The following SIL1 variants were observed in gnomAD, a reference collection of about 807,000 sequenced individuals.
SIL1 encodes the protein SIL1 nucleotide exchange factor.
In SIL1, 40 loss-of-function variants were observed where a neutral mutation model predicts 49.1. The observed-to-expected ratio is 0.81, with a 90% CI of 0.63 to 1.06. The LOEUF (loss-of-function observed/expected upper bound fraction) is 1.06. SIL1 is among the 50% of genes least tolerant of loss of function. SIL1 has a pLI of 0.00. For missense variants in SIL1, 500 were observed against 572.6 expected (o/e 0.87, Z 1.29); for synonymous variants, 253 against 250.8 (o/e 1.01, Z -0.08).
At chr5:139,040,734 G>T (rs1321988533) in intron 5 of SIL1, among the ~76,000 whole-genome samples, 1 of 151,854 alleles carries the variant, frequency 6.6e-6, no homozygotes, top group Non-Finnish European at 1.5e-5. Flanking sequence ...CCTGACCTCA[G>T]ATGATCCACC....
At chr5:139,074,162 T>A (rs1769893587) in intron 3 of SIL1, among the ~76,000 whole-genome samples, 1 of 152,146 alleles carries the variant, frequency 6.6e-6, no homozygotes, top group African/African-American at 2.4e-5. Flanking sequence ...ACTCAAGAGA[T>A]CCTCGCACCC....
chr5:139,099,979 C>A (rs960640817), intron 3 of SIL1, among the ~76,000 whole-genome samples: 3 of 152,058 alleles, frequency 2.0e-5, no homozygotes, highest in Non-Finnish European at 4.4e-5. Flanking sequence ...GGGAAGGATA[C>A]CCCATTCTCC....
Position 139,055,068 on chromosome 5 carries a change from G to A in SIL1, c.245-4022C>T, listed in dbSNP as rs533359092. Among the ~76,000 whole-genome samples the A allele has an allele frequency of 1.1e-4, 16 of 152,296 alleles. No homozygotes were observed. In the East Asian group the frequency reaches 3.1e-3, roughly 29 times the overall value. The stretch of plus-strand genomic sequence containing the variant: ...ATACATACAGGTAACAAGTTAGGGG[G>A]ATGGAGAGCAAGGGTACAGGCAGAA... On this transcript the variant is annotated intron_variant, in intron 3 of 9. Coordinates refer to ENST00000394817, the MANE Select transcript of SIL1 (RefSeq NM_022464.5).
intron 3 of SIL1, among the ~76,000 whole-genome samples, chr5:139,055,274 C>CTGT (rs1454036931): frequency 2.0e-5 from 3 of 152,084 alleles, no homozygotes; most frequent in African/African-American, 7.2e-5. Flanking sequence ...ATTTTGACTC[C>CTGT]CACTGACACT....
rs554786257 is a variant in SIL1 at position 139,031,842 on chromosome 5, A to T, written c.454-4850T>A. ...ATAGATCTTATATCTGTCTTGTTAGATTTATTCCTAAATATTTCATTTTTA... is the reference window on the plus strand; with the variant it reads ...ATAGATCTTATATCTGTCTTGTTAGTTTTATTCCTAAATATTTCATTTTTA... On this transcript the variant is annotated intron_variant, in intron 5 of 9. Transcript: ENST00000394817. Among the ~76,000 whole-genome samples, 3 of 152,240 alleles carry T rather than the reference A, an allele frequency of 2.0e-5. No individual in the cohort carries two copies. In the East Asian group the frequency reaches 5.8e-4, roughly 29 times the overall value.
At chr5:139,180,466 G>C (rs922632194) in intron 1 of SIL1, among the ~76,000 whole-genome samples, 1 of 151,108 alleles carries the variant, frequency 6.6e-6, no homozygotes, top group African/African-American at 2.4e-5. Flanking sequence ...GCCTTTGTGG[G>C]TCATCTATTA....
intron 7 of SIL1, among the ~76,000 whole-genome samples, chr5:138,983,649 C>A (rs1767582791): frequency 6.6e-6 from 1 of 152,046 alleles, no homozygotes; most frequent in Admixed American, 6.5e-5. Flanking sequence ...AGATTCCCGT[C>A]CAACCACCCA....
At chr5:139,002,210 C>CA (rs762969876) in intron 7 of SIL1, among the ~76,000 whole-genome samples, 2,749 of 121,918 alleles carry the variant, frequency 0.023, 40 homozygotes, top group Non-Finnish European at 0.031. Flanking sequence ...GAACCTGTCT[C>CA]AAAAAAAAAA....
At chr5:139,080,389 T>G (rs2151770046) in intron 3 of SIL1, among the ~76,000 whole-genome samples, 1 of 152,342 alleles carries the variant, frequency 6.6e-6, no homozygotes, top group African/African-American at 2.4e-5. Context: ...TTAATCTGAC[T>G]ACTGTTCAGT....
intron 1 of SIL1, among the ~76,000 whole-genome samples, chr5:139,195,382 TTTTTGTTTTG>T (rs200533231): frequency 5.9e-5 from 9 of 152,144 alleles, no homozygotes; most frequent in Admixed American, 5.2e-4. Flanking sequence ...TTCCCAGTTT[TTTTTGTTTTG>T]TTTTGTTTTG....
chr5:139,157,736 G>A lies in SIL1; in HGVS notation c.-10-29883C>T, dbSNP rs963911838. On this transcript the variant is annotated intron_variant, in intron 1 of 9. Coordinates refer to ENST00000394817, the MANE Select transcript of SIL1 (RefSeq NM_022464.5). The stretch of plus-strand genomic sequence containing the variant: ...CTTGGTAACAGAGGACACTGTGGCT[G>A]CTGTGGCTATGAAATCTTTGCAGAG... Among the ~76,000 whole-genome samples the A allele has an allele frequency of 1.8e-4, 28 of 152,312 alleles. No individual in the cohort carries two copies. The East Asian group carries it at 1.9e-3, about 10-fold the overall frequency.
intron 1 of SIL1, chr5:139,137,413 T>A: frequency 1.4e-6 from 1 of 699,936 alleles, no homozygotes; most frequent in Non-Finnish European, 2.6e-6. Flanking sequence ...TCCATAGCCG[T>A]GCTGTCTCTC....
At position 138,948,430 on chromosome 5, in the gene SIL1, C is replaced by T. The variant is rs1357582820; in HGVS notation, c.1030-957G>A. 6.6e-6 allele frequency among the ~76,000 whole-genome samples: 1 copy of T among 152,182 alleles called. No individual in the cohort carries two copies. The highest frequency in any genetic ancestry group is 2.4e-5 in the African/African-American group (1 of 41,440). ...GTCCTGCGATCCAGTGCCTCCTGCT[C>T]TCACCCTCTCCTCCAGCCCCCAAAC... On this transcript the variant is annotated intron_variant, in intron 9 of 9. Coordinates refer to ENST00000394817, the MANE Select transcript of SIL1 (RefSeq NM_022464.5). This position sits in a 1 kb window ranked among gnomAD's most constrained non-coding sequence, Gnocchi z 4.8.
intron 7 of SIL1, among the ~76,000 whole-genome samples, chr5:139,020,483 T>C (rs1768495320): frequency 6.6e-6 from 1 of 152,240 alleles, no homozygotes; most frequent in South Asian, 2.1e-4. Flanking sequence ...GTTCCTGTTT[T>C]AAAGGCACAA....
intron 7 of SIL1, 33 bp from the exon 8 acceptor site, chr5:138,951,917 C>T: frequency 6.3e-7 from 1 of 1,577,024 alleles, no homozygotes; most frequent in Non-Finnish European, 8.7e-7. Flanking sequence ...CATGACTACC[C>T]TGCCCAGCCC....
At chr5:139,185,470 C>T (rs944875649) in intron 1 of SIL1, among the ~76,000 whole-genome samples, 1 of 152,172 alleles carries the variant, frequency 6.6e-6, no homozygotes, top group Non-Finnish European at 1.5e-5. Flanking sequence ...TCTGTAGGAA[C>T]TTAACTCTTG....
intron 1 of SIL1, among the ~76,000 whole-genome samples, chr5:139,190,552 G>C (rs939311340): frequency 7.2e-5 from 11 of 152,112 alleles, no homozygotes; most frequent in Admixed American, 2.0e-4. Flanking sequence ...CCCTTTGTAA[G>C]ACCCCTAGCC....
chr5:139,178,402 T>G (rs985068661), intron 1 of SIL1, among the ~76,000 whole-genome samples: 6 of 152,122 alleles, frequency 3.9e-5, no homozygotes, highest in African/African-American at 1.4e-4. Flanking sequence ...CTCCAAAGGC[T>G]TCCCCTGTTC....
chr5:139,050,426 A>C (rs764541546), intron 4 of SIL1, among the ~76,000 whole-genome samples: 1 of 152,274 alleles, frequency 6.6e-6, no homozygotes, highest in Non-Finnish European at 1.5e-5. Context: ...TTATTGAGAA[A>C]TAAGGCAACC....
Sources: gnomAD v4.1 joint callset for allele counts (sites outside exome capture counted in the v4.1 genomes callset) on GRCh38, gnomAD v4.1.1 for gene constraint, Gnocchi (gnomAD v3.1) non-coding constraint, MANE v1.5 for transcripts, NCBI Gene and HGNC (gene_info 2026-07-23, HGNC 2026-07-21) for gene names.